Variants in DMD observed in about 807,000 individuals in gnomAD.
The protein encoded by DMD is mutant dystrophin.
DMD carries 63 observed loss-of-function variants against 330.1 expected under a neutral mutation model. That is an observed-to-expected ratio of 0.19 (90% CI 0.16 to 0.24). DMD has a LOEUF of 0.24. Ranked by LOEUF, DMD falls within the 10% of genes least tolerant of loss-of-function variation. The probability of loss-of-function intolerance (pLI) is 1.00; values close to 1 mark genes in which losing one functional copy is unlikely to be tolerated. For missense variants in DMD, 3,344 were observed against 2,684.1 expected, an observed-to-expected ratio of 1.25 and a Z score of -5.43; for synonymous variants, 1,223 against 959.8, an observed-to-expected ratio of 1.27 and a Z score of -5.07.
chrX:31,715,372 G>A (rs938188163), intron 52 of DMD, among the ~76,000 whole-genome samples: 3 of 104,673 alleles, frequency 2.9e-5, no homozygotes, highest in Non-Finnish European at 3.9e-5. Flanking sequence ...GTGAAACCCC[G>A]TCTCTACTAA....
At position 32,107,302 on chromosome X, in the gene DMD, A is replaced by G. The variant is rs72626011; in HGVS notation, c.6438+109614T>C. On this transcript the variant is annotated intron_variant, in intron 44 of 78. Coordinates refer to ENST00000357033, the MANE Select transcript of DMD (RefSeq NM_004006.3). ...AGGGTTCCTTAGAGAAACAAAAGGAATAAGAGAATATGTATACACACACAT... is the reference window on the plus strand; with the variant it reads ...AGGGTTCCTTAGAGAAACAAAAGGAGTAAGAGAATATGTATACACACACAT... Among the ~76,000 whole-genome samples the G allele has an allele frequency of 2.9e-3, 307 of 106,160 alleles. 9 individuals carry two copies. The East Asian group carries it at 0.08, about 28-fold the overall frequency. The allele number at this position is 106,160 out of a possible 115,157, so 92.2% of individuals were successfully genotyped here.
intron 44 of DMD, among the ~76,000 whole-genome samples, chrX:32,119,739 T>C (rs1430719646): frequency 8.9e-6 from 1 of 112,358 alleles, no homozygotes; most frequent in African/African-American, 3.2e-5. Flanking sequence ...GAGAAGGTCC[T>C]CAGCCTCCAG....
intron 37 of DMD, among the ~76,000 whole-genome samples, chrX:32,352,453 A>C (rs1278530332): frequency 9.0e-6 from 1 of 111,067 alleles, no homozygotes; most frequent in African/African-American, 3.2e-5. Flanking sequence ...TAATCAATAC[A>C]AAAATATGAA....
At chrX:31,551,833 C>T (rs1436972911) in intron 55 of DMD, among the ~76,000 whole-genome samples, 2 of 111,978 alleles carry the variant, frequency 1.8e-5, no homozygotes. Flanking sequence ...CTTGCATTTG[C>T]AGGCAAAATT....
chrX:32,844,910 TCTA>T (rs1356421882), intron 3 of DMD, 50 bp from the exon 4 acceptor site: 2 of 1,005,477 alleles, frequency 2.0e-6, no homozygotes, highest in South Asian at 3.8e-5. Flanking sequence ...AGACCGACAA[TCTA>T]CTAGAAATGA....
intron 44 of DMD, among the ~76,000 whole-genome samples, chrX:31,992,714 T>A (rs1361761343): frequency 9.0e-6 from 1 of 111,179 alleles, no homozygotes; most frequent in African/African-American, 3.3e-5. Context: ...CATATATACT[T>A]TTGTAGAGCA....
At chrX:31,482,254 C>A (rs2068362372) in intron 57 of DMD, among the ~76,000 whole-genome samples, 1 of 97,465 alleles carries the variant, frequency 1.0e-5, no homozygotes, top group Non-Finnish European at 2.0e-5. Context: ...GTGTTCTGTG[C>A]ATGGGGGACA....
intron 44 of DMD, among the ~76,000 whole-genome samples, chrX:32,173,390 T>C (rs1397052924): frequency 9.0e-6 from 1 of 110,996 alleles, no homozygotes; most frequent in East Asian, 2.8e-4. Flanking sequence ...ATGATTATTA[T>C]TGAGACGGAG....
intron 7 of DMD, among the ~76,000 whole-genome samples, chrX:32,754,388 C>T (rs2748310): frequency 0.41 from 44,599 of 108,754 alleles, 7,324 homozygotes; most frequent in African/African-American, 0.58. Flanking sequence ...ACTCTGCCCT[C>T]CTGACTAAAA....
At chrX:32,490,748 G>C (rs1444953145) in intron 20 of DMD, among the ~76,000 whole-genome samples, 1 of 111,584 alleles carries the variant, frequency 9.0e-6, no homozygotes, top group Non-Finnish European at 1.9e-5. Context: ...TACACTATCC[G>C]GTGTGGTTCC....
intron 41 of DMD, among the ~76,000 whole-genome samples, chrX:32,323,333 G>GT (rs2097630802): frequency 9.0e-6 from 1 of 110,958 alleles, no homozygotes; most frequent in African/African-American, 3.3e-5. Flanking sequence ...AAGGATGACT[G>GT]TGTAATAAAG....
intron 1 of DMD, among the ~76,000 whole-genome samples, chrX:33,271,495 G>A (rs902350942): frequency 9.0e-6 from 1 of 111,425 alleles, no homozygotes; most frequent in African/African-American, 3.3e-5. Flanking sequence ...GGCTGGGCGC[G>A]GTGGCTCATG....
chrX:32,493,853 T>C (rs1024262642), intron 19 of DMD, among the ~76,000 whole-genome samples: 1 of 111,184 alleles, frequency 9.0e-6, no homozygotes, highest in Non-Finnish European at 1.9e-5. Flanking sequence ...AACAAGCAGT[T>C]AGAAGTCCAT....
chrX:32,195,170 T>C (rs1240100249), intron 44 of DMD, among the ~76,000 whole-genome samples: 1 of 111,569 alleles, frequency 9.0e-6, no homozygotes, highest in Non-Finnish European at 1.9e-5. Flanking sequence ...TCATGTGGAC[T>C]CTGCTTACCA....
intron 7 of DMD, among the ~76,000 whole-genome samples, chrX:32,742,561 G>A (rs1450410301): frequency 9.0e-6 from 1 of 111,644 alleles, no homozygotes; most frequent in South Asian, 3.7e-4. Flanking sequence ...TATTCAGAAG[G>A]GATACACAGA....
intron 1 of DMD, among the ~76,000 whole-genome samples, chrX:33,326,009 C>T (rs1037726973): frequency 1.8e-5 from 2 of 111,053 alleles, no homozygotes; most frequent in East Asian, 2.8e-4. Flanking sequence ...CTAAATATCC[C>T]GACTTTTACG....
At chrX:31,276,541 T>C (rs1359886540) in intron 62 of DMD, among the ~76,000 whole-genome samples, 2 of 112,200 alleles carry the variant, frequency 1.8e-5, no homozygotes, top group Non-Finnish European at 3.8e-5. Context: ...TTTGGAAGAA[T>C]GTACAGAAGC....
chrX:32,292,058 C>G (rs1036456596), intron 42 of DMD, among the ~76,000 whole-genome samples: 1 of 110,433 alleles, frequency 9.1e-6, no homozygotes, highest in Non-Finnish European at 1.9e-5. Flanking sequence ...AGAGCAAAGT[C>G]TCTGTCTTCC....
chrX:32,680,254 A>G (rs1047560506), intron 9 of DMD, among the ~76,000 whole-genome samples: 2 of 111,308 alleles, frequency 1.8e-5, no homozygotes, highest in African/African-American at 6.5e-5. Flanking sequence ...CATATTGATT[A>G]TGACCATGAC....
Sources: allele counts gnomAD v4.1 joint callset (sites outside exome capture counted in the v4.1 genomes callset), GRCh38; gene constraint gnomAD v4.1.1; transcripts MANE v1.5; gene names NCBI Gene and HGNC (gene_info 2026-07-23, HGNC 2026-07-21).